The following AKAP6 variants were observed in gnomAD, a reference collection of about 807,000 sequenced individuals.
The protein encoded by AKAP6 is A-kinase anchor protein 6.
AKAP6 carries 58 observed loss-of-function variants against 188.5 expected under a neutral mutation model. That is an observed-to-expected ratio of 0.31 (90% CI 0.25 to 0.38). The LOEUF (loss-of-function observed/expected upper bound fraction) is 0.38, where lower values mean the gene tolerates loss of function less well. Among genes scored for constraint, AKAP6 ranks in the 10% least tolerant of loss-of-function variants. The probability of loss-of-function intolerance (pLI) is 1.00; values close to 1 mark genes in which losing one functional copy is unlikely to be tolerated. For synonymous variants in AKAP6, 989 were observed against 998.6 expected, an observed-to-expected ratio of 0.99 and a Z score of 0.18; for missense variants, 2,710 against 2,740.0, an observed-to-expected ratio of 0.99 and a Z score of 0.24.
intron 7 of AKAP6, among the ~76,000 whole-genome samples, chr14:32,640,131 G>T (rs1011048104): frequency 6.6e-6 from 1 of 151,734 alleles, no homozygotes; most frequent in African/African-American, 2.4e-5. Flanking sequence ...TTCAATAAAG[G>T]CAAGATAGCA....
intron 11 of AKAP6, among the ~76,000 whole-genome samples, chr14:32,765,753 C>A (rs2032698106): frequency 6.7e-6 from 1 of 150,206 alleles, no homozygotes; most frequent in East Asian, 1.9e-4. Flanking sequence ...TAAATTAATC[C>A]TTGTATCCAC....
intron 3 of AKAP6, among the ~76,000 whole-genome samples, chr14:32,542,875 A>G (rs1883021450): frequency 6.6e-6 from 1 of 152,178 alleles, no homozygotes; most frequent in Admixed American, 6.5e-5. Flanking sequence ...TTAAAGCAAT[A>G]TATCTTTGCA....
chr14:32,615,798 A>G (rs1276286255), intron 7 of AKAP6, among the ~76,000 whole-genome samples: 4 of 151,874 alleles, frequency 2.6e-5, no homozygotes, highest in South Asian at 4.2e-4. Flanking sequence ...GTTTCACCAT[A>G]TTAGCCAGGA....
rs1247036566 is a variant in AKAP6 at position 32,546,436 on chromosome 14, G to A, written c.1783G>A (p.Val595Met). The A allele has an allele frequency of 1.9e-6, 3 of 1,614,002 alleles. No homozygotes were observed. Among genetic ancestry groups the A allele is most frequent in the Admixed American group, 3.3e-5 (2 of 59,992 alleles). Reference protein sequence around the residue: ...SVGSDNIMSPVPLLSKHKSKK... With the variant: ...SVGSDNIMSPMPLLSKHKSKK... ...TGGCTCAGACAACATCATGTCTCCG[G>A]TGCCACTTCTTTCAAAACACAAAAG... Residue 595 changes from valine (V) to methionine (M), a missense_variant, in exon 4 of 14, where the codon GTG becomes ATG. Physicochemically the swap from Val to Met is conservative, Grantham distance 21 (BLOSUM62 1). Transcript: ENST00000280979.
chr14:32,750,213 G>A (rs1470862014), intron 11 of AKAP6, among the ~76,000 whole-genome samples: 1 of 151,628 alleles, frequency 6.6e-6, no homozygotes, highest in South Asian at 2.1e-4. Context: ...TTTTAATTAC[G>A]TATTTTCTTT....
rs145161039 is a variant in AKAP6, at chr14:32,684,157, A to G, written c.2879+5698A>G. Among the ~76,000 whole-genome samples, 26 of 151,762 alleles carry G rather than the reference A, an allele frequency of 1.7e-4. 1 individual carries two copies. The East Asian group carries it at 5.1e-3, about 30-fold the overall frequency. ...CAGGAAGCAGAACTGGAGCTCAGAAATGTTTTGGCTTCCTCAGCCAACATT... is the reference window on the plus strand; with the variant it reads ...CAGGAAGCAGAACTGGAGCTCAGAAGTGTTTTGGCTTCCTCAGCCAACATT... On this transcript the variant is annotated intron_variant, in intron 8 of 13. Transcript: ENST00000280979.
intron 2 of AKAP6, among the ~76,000 whole-genome samples, chr14:32,461,638 A>C (rs1004982838): frequency 1.3e-5 from 2 of 152,042 alleles, no homozygotes; most frequent in African/African-American, 2.4e-5. Flanking sequence ...CAGTGCAAAA[A>C]CCCTGAAAAT....
At chr14:32,656,277 T>G (rs1422206315) in intron 7 of AKAP6, among the ~76,000 whole-genome samples, 1 of 152,068 alleles carries the variant, frequency 6.6e-6, no homozygotes, top group Non-Finnish European at 1.5e-5. Context: ...TTATCAAAGG[T>G]GACTCTATTT....
intron 7 of AKAP6, among the ~76,000 whole-genome samples, chr14:32,671,464 G>A (rs1036957984): frequency 6.6e-5 from 10 of 151,844 alleles, no homozygotes; most frequent in Admixed American, 1.3e-4. Flanking sequence ...ATAGATTGGC[G>A]GCAATGGATT....
chr14:32,599,298 A>G (rs904039051), intron 5 of AKAP6, 112 bp from the exon 6 acceptor site: 96 of 775,216 alleles, frequency 1.2e-4, no homozygotes, highest in East Asian at 2.4e-4. Flanking sequence ...TAGTTTGTCT[A>G]TTGGGTAAAT....
intron 7 of AKAP6, among the ~76,000 whole-genome samples, chr14:32,638,366 A>G (rs1429454649): frequency 1.3e-5 from 2 of 152,076 alleles, no homozygotes; most frequent in South Asian, 2.1e-4. Context: ...AACGGACAAT[A>G]TATTCAACTC....
chr14:32,548,620 AACAG>A (rs1357528865), intron 4 of AKAP6, among the ~76,000 whole-genome samples: 1 of 151,702 alleles, frequency 6.6e-6, no homozygotes, highest in African/African-American at 2.4e-5. Context: ...GATAGAGACA[AACAG>A]ACAGACACAG....
intron 1 of AKAP6, among the ~76,000 whole-genome samples, chr14:32,335,729 C>T (rs902479702): frequency 1.3e-5 from 2 of 151,744 alleles, no homozygotes; most frequent in East Asian, 1.9e-4. Flanking sequence ...ATTCTCTTGC[C>T]CTTTGTTTAC....
intron 11 of AKAP6, among the ~76,000 whole-genome samples, chr14:32,740,957 A>G (rs1243732238): frequency 2.7e-5 from 4 of 150,658 alleles, no homozygotes; most frequent in African/African-American, 4.9e-5. Flanking sequence ...TTTGGATAGT[A>G]TGGATGTTTT....
chr14:32,488,623 G>A (rs868640692), intron 2 of AKAP6, among the ~76,000 whole-genome samples: 19 of 152,056 alleles, frequency 1.2e-4, no homozygotes, highest in African/African-American at 3.9e-4. Context: ...TCAAATGGCC[G>A]CCCAGTTTTC....
chr14:32,451,431 C>T (rs947374375), intron 2 of AKAP6, among the ~76,000 whole-genome samples: 3 of 152,088 alleles, frequency 2.0e-5, no homozygotes, highest in African/African-American at 7.2e-5. Flanking sequence ...TTGTATACAG[C>T]TATTTATTTC....
At chr14:32,443,273 A>G (rs1890642847) in intron 2 of AKAP6, among the ~76,000 whole-genome samples, 1 of 152,070 alleles carries the variant, frequency 6.6e-6, no homozygotes, top group Non-Finnish European at 1.5e-5. Context: ...GGGCGCCTAT[A>G]ATCCCAGCTA....
chr14:32,642,959 C>T (rs939160648), intron 7 of AKAP6, among the ~76,000 whole-genome samples: 5 of 152,126 alleles, frequency 3.3e-5, no homozygotes, highest in Non-Finnish European at 1.5e-5. Flanking sequence ...TAGAGTTTCA[C>T]ATAGTATTAG....
At chr14:32,599,585 A>C in intron 6 of AKAP6, 79 bp downstream of exon 6, 1 of 1,067,602 alleles carries the variant, frequency 9.4e-7, no homozygotes, top group Non-Finnish European at 1.4e-6. Context: ...AAATTACTGC[A>C]TATATTCACT....
Sources: gnomAD v4.1 joint callset for allele counts (sites outside exome capture counted in the v4.1 genomes callset) on GRCh38, gnomAD v4.1.1 for gene constraint, MANE v1.5 for transcripts, NCBI Gene and HGNC (gene_info 2026-07-23, HGNC 2026-07-21) for gene names.